HLCS: variants seen among roughly 807,000 people sequenced by gnomAD.
HLCS encodes the protein biotin--protein ligase.
HLCS carries 53 observed loss-of-function variants against 75.0 expected under a neutral mutation model. The observed-to-expected ratio is 0.71, with a 90% confidence interval of 0.57 to 0.89. HLCS has a LOEUF of 0.89. HLCS is among the 40% of genes least tolerant of loss of function. The probability of loss-of-function intolerance (pLI) is 0.00; values close to 1 mark genes in which losing one functional copy is unlikely to be tolerated. For missense variants in HLCS, 966 were observed against 1,074.0 expected (o/e 0.90, Z 1.41); for synonymous variants, 431 against 428.6 (o/e 1.01, Z -0.07).
intron 6 of HLCS, among the ~76,000 whole-genome samples, chr21:36,807,514 T>C (rs949047425): frequency 1.3e-5 from 2 of 152,184 alleles, no homozygotes; most frequent in African/African-American, 4.8e-5. Context: ...CCACTGTTAA[T>C]AACTCATCCT....
chr21:36,775,278 G>A (rs977584811), intron 6 of HLCS, among the ~76,000 whole-genome samples: 4 of 152,246 alleles, frequency 2.6e-5, no homozygotes, highest in African/African-American at 9.6e-5. Context: ...AAGGAGCCCA[G>A]TGGATTCAGC....
intron 2 of HLCS, among the ~76,000 whole-genome samples, chr21:36,944,458 T>C: frequency 6.6e-6 from 1 of 152,226 alleles, no homozygotes; most frequent in East Asian, 1.9e-4. Context: ...GGTGTATAAA[T>C]TCATCAAAAC....
At chr21:36,907,596 C>A (rs1038541970) in intron 5 of HLCS, among the ~76,000 whole-genome samples, 1 of 151,934 alleles carries the variant, frequency 6.6e-6, no homozygotes, top group Non-Finnish European at 1.5e-5. Flanking sequence ...GCGGAGGTTG[C>A]AGTAAGTTGA....
intron 6 of HLCS, among the ~76,000 whole-genome samples, chr21:36,816,721 C>T (rs963300378): frequency 2.0e-5 from 3 of 152,120 alleles, no homozygotes; most frequent in Non-Finnish European, 4.4e-5. Flanking sequence ...AGAAAATGAG[C>T]TATCGGAAAC....
intron 10 of HLCS, among the ~76,000 whole-genome samples, chr21:36,755,322 G>A (rs1031433124): frequency 6.6e-6 from 1 of 151,534 alleles, no homozygotes; most frequent in Non-Finnish European, 1.5e-5. Flanking sequence ...GATCATTTGA[G>A]CCCGGGAGTT....
At chr21:36,873,213 G>T (rs1440655782) in intron 6 of HLCS, among the ~76,000 whole-genome samples, 3 of 152,116 alleles carry the variant, frequency 2.0e-5, no homozygotes, top group Non-Finnish European at 2.9e-5. Flanking sequence ...CACCTCCCGG[G>T]TTGAAGCGAT....
chr21:36,777,731 A>G (rs1184932928), intron 6 of HLCS, among the ~76,000 whole-genome samples: 1 of 152,142 alleles, frequency 6.6e-6, no homozygotes, highest in Non-Finnish European at 1.5e-5. Context: ...GCAGGAATAC[A>G]TGGAAGCGAT....
chr21:36,981,532 T>C (rs1888653213), intron 1 of HLCS, among the ~76,000 whole-genome samples: 1 of 151,694 alleles, frequency 6.6e-6, no homozygotes, highest in African/African-American at 2.4e-5. Flanking sequence ...TCTTAAGTAT[T>C]GGGATTACAG....
At chr21:36,973,037 G>A (rs1252280408) in intron 1 of HLCS, among the ~76,000 whole-genome samples, 2 of 149,952 alleles carry the variant, frequency 1.3e-5, no homozygotes, top group East Asian at 3.9e-4. Flanking sequence ...GCAACACAGG[G>A]AAACCCCATC....
intron 6 of HLCS, among the ~76,000 whole-genome samples, chr21:36,768,540 T>C (rs922487641): frequency 2.0e-5 from 3 of 152,160 alleles, no homozygotes; most frequent in African/African-American, 7.2e-5. Flanking sequence ...CAGGCCTCAG[T>C]TGGGACAGAA....
intron 6 of HLCS, among the ~76,000 whole-genome samples, chr21:36,894,422 G>A (rs1410513272): frequency 1.3e-5 from 2 of 152,052 alleles, no homozygotes; most frequent in Non-Finnish European, 2.9e-5. Context: ...CATCTATCTC[G>A]TGGTCCCTCT....
intron 5 of HLCS, among the ~76,000 whole-genome samples, chr21:36,925,945 A>C (rs898153712): frequency 5.3e-5 from 8 of 152,366 alleles, no homozygotes; most frequent in African/African-American, 1.9e-4. Flanking sequence ...TGTAAGGGAA[A>C]GGATTATGTT....
chr21:36,886,538 T>C (rs1270888159), intron 6 of HLCS, among the ~76,000 whole-genome samples: 1 of 152,070 alleles, frequency 6.6e-6, no homozygotes, highest in Non-Finnish European at 1.5e-5. Flanking sequence ...GGAGGCCATG[T>C]TCGCTCCACT....
chr21:36,855,136 T>A (rs1326170373), intron 6 of HLCS, among the ~76,000 whole-genome samples: 1 of 152,172 alleles, frequency 6.6e-6, no homozygotes. Flanking sequence ...CAGTCAGATA[T>A]GAGCACATAT....
rs759416272 is a variant in HLCS at position 36,756,574 on chromosome 21, G to A, written c.2418C>T (p.Val806=). Residue 806 remains valine (V), a synonymous_variant, in exon 10 of 11, where the codon GTC becomes GTT. Transcript: ENST00000674895. ...KEFQDKGPNS[V]LPLYYRYWVH... ...CCCAGTATCGGTAATAAAGGGGAAG[G>A]ACGCTGTTGGGCCCTTTGTCCTGAA... The A allele has an allele frequency of 6.8e-6, 11 of 1,613,636 alleles. No individual in the cohort carries two copies. The Admixed American group carries it at 1.5e-4, about 22-fold the overall frequency.
At chr21:36,797,326 A>G (rs1372816330) in intron 6 of HLCS, among the ~76,000 whole-genome samples, 1 of 152,126 alleles carries the variant, frequency 6.6e-6, no homozygotes, top group Non-Finnish European at 1.5e-5. Flanking sequence ...TGGCTCCCAT[A>G]TCCACAGTTG....
intron 1 of HLCS, among the ~76,000 whole-genome samples, chr21:36,972,776 T>C (rs2068826600): frequency 6.6e-6 from 1 of 152,246 alleles, no homozygotes; most frequent in Non-Finnish European, 1.5e-5. Context: ...GGTACTTCTA[T>C]ATTGAAATCT....
At chr21:36,852,556 A>T (rs2146146428) in intron 6 of HLCS, among the ~76,000 whole-genome samples, 1 of 152,264 alleles carries the variant, frequency 6.6e-6, no homozygotes, top group South Asian at 2.1e-4. Flanking sequence ...GGCTCTCACA[A>T]TTCCTATGCC....
At chr21:36,959,676 G>A (rs1244593304) in intron 2 of HLCS, among the ~76,000 whole-genome samples, 1 of 152,156 alleles carries the variant, frequency 6.6e-6, no homozygotes, top group African/African-American at 2.4e-5. Flanking sequence ...GAAAACCTCA[G>A]ACCCAGCCAG....
Sources: gnomAD v4.1 joint callset for allele counts (sites outside exome capture counted in the v4.1 genomes callset) on GRCh38, gnomAD v4.1.1 for gene constraint, MANE v1.5 for transcripts, NCBI Gene and HGNC (gene_info 2026-07-23, HGNC 2026-07-21) for gene names.